The following MEF2C variants were observed in gnomAD, a reference collection of about 807,000 sequenced individuals.
MEF2C encodes the protein myocyte-specific enhancer factor 2C.
Under a neutral mutation model 50.5 loss-of-function variants are expected in MEF2C, and 6 were observed. That is an observed-to-expected ratio of 0.12 (90% CI 0.07 to 0.23). The LOEUF is 0.23. MEF2C is among the 10% of genes least tolerant of loss of function. MEF2C has a pLI of 1.00. For missense variants in MEF2C, 276 were observed against 605.0 expected, an observed-to-expected ratio of 0.46 and a Z score of 5.70; for synonymous variants, 183 against 228.0, an observed-to-expected ratio of 0.80 and a Z score of 1.78.
chr5:88,830,563 A>G (rs758466309), intron 1 of MEF2C, among the ~76,000 whole-genome samples: 7 of 152,014 alleles, frequency 4.6e-5, no homozygotes, highest in Admixed American at 3.9e-4. Flanking sequence ...CTTTTTTCAC[A>G]CTGCAGCTAA....
chr5:88,863,900 C>T (rs938707441), intron 1 of MEF2C, among the ~76,000 whole-genome samples: 32 of 151,368 alleles, frequency 2.1e-4, no homozygotes, highest in Admixed American at 3.3e-4. Flanking sequence ...CGGCTCACTG[C>T]AACCTCTGCC....
At position 88,736,076 on chromosome 5, in the gene MEF2C, C is replaced by T. The variant is rs141036069; in HGVS notation, c.638-4175G>A. On this transcript the variant is annotated intron_variant, in intron 6 of 10. Coordinates refer to ENST00000504921, the MANE Select transcript of MEF2C (RefSeq NM_002397.5). ...CCAAACTGTCATCTTCTATTATCCC[C>T]TCTCCTCCTTCCATCTCCATATCCA... 199 of 985,406 alleles carry T rather than the reference C, an allele frequency of 2.0e-4. No homozygotes were observed. In the African/African-American group the frequency reaches 3.0e-3, roughly 15 times the overall value. 61.0% of individuals were successfully genotyped at this position (985,406 alleles called of 1,614,324 possible).
At chr5:88,804,521 G>T (rs907020947) in intron 3 of MEF2C, 77 bp downstream of exon 3, 6 of 1,253,196 alleles carry the variant, frequency 4.8e-6, no homozygotes, top group Non-Finnish European at 6.9e-6. Flanking sequence ...CATGATGTGT[G>T]TATGTGTGTG....
chr5:88,752,162 A>G (rs1368601759), intron 4 of MEF2C, 119 bp from the exon 5 acceptor site: 2 of 896,556 alleles, frequency 2.2e-6, no homozygotes, highest in Non-Finnish European at 3.3e-6. Flanking sequence ...CTTTGTGTCT[A>G]GAAGACCATT....
At position 88,781,552 on chromosome 5, in the gene MEF2C, A is replaced by T. The variant is rs376244383; in HGVS notation, c.259-20224T>A. Among the ~76,000 whole-genome samples, 8 of 152,202 alleles carry T rather than the reference A, an allele frequency of 5.3e-5. No individual in the cohort carries two copies. In the South Asian group the frequency reaches 8.3e-4, roughly 16 times the overall value. On this transcript the variant is annotated intron_variant, in intron 3 of 10. Transcript: ENST00000504921. ...AATGTGTGTCTGTCCCTCCTCCAGC[A>T]CCACACTGTCTTTTTTATGAAAGGG... is the stretch of plus-strand genomic sequence containing the variant.
intron 3 of MEF2C, among the ~76,000 whole-genome samples, chr5:88,764,722 C>T (rs1779246484): frequency 6.9e-6 from 1 of 145,878 alleles, no homozygotes; most frequent in Non-Finnish European, 1.5e-5. Flanking sequence ...ACAGGAAAAT[C>T]ACTTGAACCC....
intron 6 of MEF2C, chr5:88,733,187 C>A (rs911481853): frequency 2.0e-6 from 2 of 985,038 alleles, no homozygotes; most frequent in African/African-American, 3.5e-5. Context: ...TTGATGAGGG[C>A]CTTAAAGAAA....
At chr5:88,816,548 C>T (rs1204368459) in intron 2 of MEF2C, among the ~76,000 whole-genome samples, 1 of 123,696 alleles carries the variant, frequency 8.1e-6, no homozygotes, top group African/African-American at 3.0e-5. Flanking sequence ...TTTTCTTTTT[C>T]AACTCTTCAA....
chr5:88,869,665 AT>A (rs561303999), intron 1 of MEF2C, among the ~76,000 whole-genome samples: 126 of 151,534 alleles, frequency 8.3e-4, no homozygotes, highest in Non-Finnish European at 1.6e-3. Flanking sequence ...CATTGCTCAA[AT>A]TTTTTTAATT....
At chr5:88,737,394 C>T (rs775866393) in intron 6 of MEF2C, 1 of 985,382 alleles carries the variant, frequency 1.0e-6, no homozygotes, top group Non-Finnish European at 1.2e-6. Context: ...AATCATTTCA[C>T]AGCACATTAC....
intron 6 of MEF2C, chr5:88,741,251 A>G (rs1766621032): frequency 2.0e-6 from 2 of 985,386 alleles, no homozygotes; most frequent in Non-Finnish European, 2.4e-6. Context: ...CTAGAAAATC[A>G]AGAATGTAGA....
At chr5:88,870,005 T>C (rs191394231) in intron 1 of MEF2C, among the ~76,000 whole-genome samples, 47 of 151,798 alleles carry the variant, frequency 3.1e-4, no homozygotes, top group African/African-American at 1.0e-3. Context: ...CTAAGTATTC[T>C]ATTACAATAC....
intron 6 of MEF2C, chr5:88,734,115 T>C (rs1369853944): frequency 1.0e-6 from 1 of 984,522 alleles, no homozygotes; most frequent in African/African-American, 1.7e-5. Flanking sequence ...ATATTTAATA[T>C]GTCATCCTGA....
Position 88,750,824 on chromosome 5 carries a change from T to C in MEF2C, c.589+1033A>G, listed in dbSNP as rs565286863. On this transcript the variant is annotated intron_variant, in intron 5 of 10. Transcript: ENST00000504921. The stretch of plus-strand genomic sequence containing the variant: ...AACAAAAATAGTAATACATGTTTGG[T>C]TTTAATTGTAAGGCAGATATATAAG... Among the ~76,000 whole-genome samples, 216 of 152,344 alleles carry C rather than the reference T, an allele frequency of 1.4e-3. 1 individual carries two copies. Among genetic ancestry groups the C allele is most frequent in the African/African-American group, 4.9e-3 (205 of 41,584 alleles).
intron 4 of MEF2C, among the ~76,000 whole-genome samples, chr5:88,758,323 T>C (rs1776295696): frequency 6.6e-6 from 1 of 152,124 alleles, no homozygotes; most frequent in African/African-American, 2.4e-5. Flanking sequence ...TCCTAACTTC[T>C]GCTGGTTCCT....
chr5:88,732,554 G>A (rs190266112), intron 6 of MEF2C: 2 of 152,396 alleles, frequency 1.3e-5, no homozygotes, highest in Admixed American at 1.3e-4. Context: ...CTGAAATGAA[G>A]TGATGATGCC....
At chr5:88,828,170 C>T (rs1462715493) in intron 1 of MEF2C, among the ~76,000 whole-genome samples, 1 of 151,916 alleles carries the variant, frequency 6.6e-6, no homozygotes, top group African/African-American at 2.4e-5. Context: ...CTTCCCACAA[C>T]ACTTTGATTT....
chr5:88,739,640 C>T (rs1196245135), intron 6 of MEF2C: 2 of 985,238 alleles, frequency 2.0e-6, no homozygotes, highest in Non-Finnish European at 2.4e-6. Context: ...TTCTAGACTG[C>T]AGTCCTAGCC....
intron 6 of MEF2C, chr5:88,735,593 A>G: frequency 1.0e-6 from 1 of 974,960 alleles, no homozygotes; most frequent in Non-Finnish European, 1.2e-6. Flanking sequence ...AGCATATATG[A>G]GTTAACTTAC....
Sources: gnomAD v4.1 joint callset for allele counts (sites outside exome capture counted in the v4.1 genomes callset) on GRCh38, gnomAD v4.1.1 for gene constraint, MANE v1.5 for transcripts, NCBI Gene and HGNC (gene_info 2026-07-23, HGNC 2026-07-21) for gene names.